The following SLC6A12 variants were observed in gnomAD, a reference collection of about 807,000 sequenced individuals.
The protein encoded by SLC6A12 is solute carrier family 6 member 12.
SLC6A12 carries 50 observed loss-of-function variants against 73.3 expected under a neutral mutation model. That is an observed-to-expected ratio of 0.68 (90% CI 0.54 to 0.86). The LOEUF (loss-of-function observed/expected upper bound fraction) is 0.86, where lower values mean the gene tolerates loss of function less well. Ranked by LOEUF, SLC6A12 falls within the 40% of genes least tolerant of loss-of-function variation. SLC6A12 has a pLI of 0.00. For synonymous variants in SLC6A12, 304 were observed against 309.2 expected (o/e 0.98, Z 0.18); for missense variants, 648 against 772.8 (o/e 0.84, Z 1.92).
At chr12:197,073 C>A (rs1939907778) in intron 10 of SLC6A12, among the ~76,000 whole-genome samples, 191 bp from the exon 11 acceptor site, 1 of 5,740 alleles carries the variant, frequency 1.7e-4, no homozygotes. Flanking sequence ...ATCCATCTAC[C>A]CATCCATCCA....
downstream of SLC6A12, among the ~76,000 whole-genome samples, chr12:186,729 G>A (rs1939436612): frequency 1.3e-5 from 2 of 152,236 alleles, no homozygotes; most frequent in African/African-American, 2.4e-5. Flanking sequence ...CGCTGCTGAT[G>A]TTAACACATC....
chr12:203,049 T>G lies in SLC6A12; in HGVS notation c.350-169A>C, dbSNP rs533081140. ...CCATTCATAGCATATTTTTCTTTCTTTTTTCTTTTCTTTTTTTTTTTTTTT... is the reference window on the plus strand; with the variant it reads ...CCATTCATAGCATATTTTTCTTTCTGTTTTCTTTTCTTTTTTTTTTTTTTT... On this transcript the variant is annotated intron_variant, in intron 4 of 15. Transcript: ENST00000684302. Among the ~76,000 whole-genome samples, 9 of 146,064 alleles carry G rather than the reference T, an allele frequency of 6.2e-5. No individual in the cohort carries two copies. The South Asian group carries it at 2.0e-3, about 32-fold the overall frequency.
At chr12:201,268 C>T (rs1002745465) in intron 6 of SLC6A12, 2 of 191,598 alleles carry the variant, frequency 1.0e-5, no homozygotes, top group South Asian at 1.1e-4. Context: ...GGCAGTCTTG[C>T]GTGGGAATGC....
chr12:201,912 C>T lies in SLC6A12; in HGVS notation c.491-63G>A. 2.8e-6 allele frequency: 4 copies of T among 1,447,892 alleles called. No homozygotes were observed. The South Asian group carries it at 3.4e-5, about 12-fold the overall frequency. The allele number at this position is 1,447,892 out of a possible 1,614,324, so 89.7% of individuals were successfully genotyped here. On this transcript the variant is annotated intron_variant, in intron 5 of 15. Transcript: ENST00000684302. ...TGCTCTTATACCCTAGTCCCCCTGG[C>T]CCTCTGGCCTTGCAGCCTAGTGGTC...
chr12:185,457 C>T (rs951312817), downstream of SLC6A12, among the ~76,000 whole-genome samples: 1 of 152,238 alleles, frequency 6.6e-6, no homozygotes, highest in Non-Finnish European at 1.5e-5. Context: ...GTTCTGGCCT[C>T]GGGGCCAGGG....
At chr12:202,440 G>A (rs527968212) in intron 5 of SLC6A12, among the ~76,000 whole-genome samples, 8 of 152,190 alleles carry the variant, frequency 5.3e-5, no homozygotes, top group African/African-American at 1.4e-4. Context: ...CCTTGGCACC[G>A]TGTTTAACAC....
chr12:196,000 G>T, intron 12 of SLC6A12, 124 bp downstream of exon 12: 1 of 844,822 alleles, frequency 1.2e-6, no homozygotes, highest in Non-Finnish European at 1.8e-6. Context: ...CTGTGGAGAG[G>T]CAGGGCAGGC....
chr12:201,537 C>G (rs111285611), intron 6 of SLC6A12: 30,458 of 537,500 alleles, frequency 0.057, 1,128 homozygotes, highest in East Asian at 0.11. Context: ...GGATGTGGGG[C>G]TGAAGGTGGA....
downstream of SLC6A12, among the ~76,000 whole-genome samples, chr12:185,496 GT>G (rs936257092): frequency 6.6e-6 from 1 of 152,208 alleles, no homozygotes; most frequent in African/African-American, 2.4e-5. Context: ...CACCCTCTGT[GT>G]GTTAGTGAGA....
At chr12:197,146 C>CATCT (rs1163402557) in intron 10 of SLC6A12, among the ~76,000 whole-genome samples, 88 of 95,520 alleles carry the variant, frequency 9.2e-4, no homozygotes, top group African/African-American at 2.3e-3. Flanking sequence ...TCCATCCATC[C>CATCT]ATCCATCCAT....
intron 10 of SLC6A12, among the ~76,000 whole-genome samples, 186 bp downstream of exon 10, chr12:197,190 CA>C (rs1565469198): frequency 7.2e-5 from 3 of 41,826 alleles, no homozygotes; most frequent in African/African-American, 7.3e-5. Flanking sequence ...TCCATCCATC[CA>C]TCCATTCATC....
chr12:185,131 A>G (rs1939409139), downstream of SLC6A12, among the ~76,000 whole-genome samples: 1 of 152,234 alleles, frequency 6.6e-6, no homozygotes, highest in South Asian at 2.1e-4. Context: ...AACACCCTAA[A>G]GAACCAAGAG....
At chr12:186,380 A>G (rs478455), downstream of SLC6A12, among the ~76,000 whole-genome samples, 25,223 of 152,144 alleles carry the variant, frequency 0.17, 3,424 homozygotes, top group African/African-American at 0.37. Flanking sequence ...ATCCAAGGAT[A>G]GGTATTATCT....
At position 200,183 on chromosome 12, in the gene SLC6A12, A is replaced by C. The variant is rs538532539; in HGVS notation, c.711+468T>G. ...GAGTGCAGTGGCGCTATCTCGGCTC[A>C]CTGCAAGCTCCGCCTCCCGGGTTCA... On this transcript the variant is annotated intron_variant, in intron 7 of 15. Coordinates refer to ENST00000684302, the MANE Select transcript of SLC6A12 (RefSeq NM_001122848.3). Among the ~76,000 whole-genome samples the C allele has an allele frequency of 3.8e-3, 518 of 135,992 alleles. 4 individuals carry two copies. The highest frequency in any genetic ancestry group is 5.7e-3 in the Non-Finnish European group (378 of 66,322). The allele number at this position is 135,992 out of a possible 152,430, so 89.2% of individuals were successfully genotyped here. A position where few individuals can be genotyped will look rare whatever the true frequency, so the allele number is the denominator to read the frequency against.
chr12:202,216 C>G (rs905415750), intron 5 of SLC6A12, among the ~76,000 whole-genome samples: 2 of 152,184 alleles, frequency 1.3e-5, no homozygotes, highest in Admixed American at 1.3e-4. Flanking sequence ...CTGCTCTTCC[C>G]CCTGCTTGGA....
intron 6 of SLC6A12, chr12:201,104 G>T: frequency 3.6e-6 from 1 of 276,068 alleles, no homozygotes; most frequent in Non-Finnish European, 6.8e-6. Context: ...CAAGTGCATG[G>T]GTATCCCGTG....
At chr12:212,459 G>C (rs1171508684) in intron 1 of SLC6A12, among the ~76,000 whole-genome samples, 2 of 152,208 alleles carry the variant, frequency 1.3e-5, no homozygotes, top group African/African-American at 4.8e-5. Context: ...ATCAGAAATA[G>C]GGGAAGTGCA....
chr12:209,943 A>G lies in SLC6A12; in HGVS notation c.44T>C (p.Val15Ala). The G allele has an allele frequency of 6.2e-7, 1 of 1,614,020 alleles. No homozygotes were observed. Among genetic ancestry groups the G allele is most frequent in the Non-Finnish European group, 8.5e-7 (1 of 1,179,986 alleles). The change falls in exon 3 of 16, where the codon GTC becomes GCC. Residue 15 changes from valine to alanine, a missense_variant. By Grantham distance (64) the Val-to-Ala change is moderately conservative. Coordinates refer to ENST00000684302, the MANE Select transcript of SLC6A12 (RefSeq NM_001122848.3). ...CTCTCCCTCCTCGGGGACCCAGGAGACTGCAGGAGGCCCACACTCTTGCAC... is the reference window on the plus strand; with the variant it reads ...CTCTCCCTCCTCGGGGACCCAGGAGGCTGCAGGAGGCCCACACTCTTGCAC... ...VAVQECGPPA[V>A]SWVPEEGEKL...
chr12:200,543 AGT>A, intron 7 of SLC6A12, 106 bp downstream of exon 7: 1 of 1,234,972 alleles, frequency 8.1e-7, no homozygotes, highest in Non-Finnish European at 1.1e-6. Flanking sequence ...CTGCTCAGGA[AGT>A]GTAGTTTCTT....
Sources: gnomAD v4.1 joint callset for allele counts (sites outside exome capture counted in the v4.1 genomes callset) on GRCh38, gnomAD v4.1.1 for gene constraint, MANE v1.5 for transcripts, NCBI Gene and HGNC (gene_info 2026-07-23, HGNC 2026-07-21) for gene names.